The following IPO5 variants were observed in gnomAD, a reference collection of about 807,000 sequenced individuals.
The protein encoded by IPO5 is importin-5.
In IPO5, 18 loss-of-function variants were observed where a neutral mutation model predicts 143.3. That is an observed-to-expected ratio of 0.13 (90% CI 0.09 to 0.19). The LOEUF (loss-of-function observed/expected upper bound fraction) is 0.19. IPO5 is among the 10% of genes least tolerant of loss of function. The probability of loss-of-function intolerance (pLI) is 1.00; values close to 1 mark genes in which losing one functional copy is unlikely to be tolerated. For synonymous variants in IPO5, 477 were observed against 465.7 expected (o/e 1.02, Z -0.31); for missense variants, 1,013 against 1,336.9 (o/e 0.76, Z 3.78).
At chr13:97,978,751 A>G (rs1021187589) in intron 4 of IPO5, among the ~76,000 whole-genome samples, 1 of 152,174 alleles carries the variant, frequency 6.6e-6, no homozygotes, top group Admixed American at 6.5e-5. Flanking sequence ...TCTATTGTCA[A>G]GCCTAGTGGG....
intron 3 of IPO5, among the ~76,000 whole-genome samples, chr13:97,971,216 C>G (rs1006177860): frequency 6.6e-6 from 1 of 152,176 alleles, no homozygotes; most frequent in Non-Finnish European, 1.5e-5. Flanking sequence ...AGAAAACAAT[C>G]AAGTCAAAAT....
In IPO5 at chr13:97,976,874, CGCGGCGGCCGCGCAGGCTGGGCCCGGCGG is replaced by C. The variant is rs931167308; in HGVS notation, c.90+104_90+132del. On this transcript the variant is annotated intron_variant, in intron 4 of 28. Transcript: ENST00000651721. ...CAGCCGCACCGGGCCTCGGCCGGTCCGCGGCGGCCGCGCAGGCTGGGCCCGGCGGGCGGCGGCCGCGCAGCCCACGTGTG... is the reference window on the plus strand; with the variant it reads ...CAGCCGCACCGGGCCTCGGCCGGTCCGCGGCGGCCGCGCAGCCCACGTGTG... The C allele has an allele frequency of 1.6e-4, 51 of 313,666 alleles. 2 individuals carry two copies. The highest frequency in any genetic ancestry group is 1.0e-3 in the Middle Eastern group (2 of 1,956). The allele number at this position is 313,666 out of a possible 1,614,324, so 19.4% of individuals were successfully genotyped here. A position where few individuals can be genotyped will look rare whatever the true frequency, so the allele number is the denominator to read the frequency against.
intron 6 of IPO5, 90 bp downstream of exon 6, chr13:97,985,703 A>C (rs1056204887): frequency 1.2e-6 from 1 of 851,162 alleles, no homozygotes; most frequent in Non-Finnish European, 1.9e-6. Context: ...AGTAAGATTC[A>C]TAAGTACCTG....
At chr13:97,957,195 C>CT (rs537800340) in intron 2 of IPO5, among the ~76,000 whole-genome samples, 102 of 147,090 alleles carry the variant, frequency 6.9e-4, no homozygotes, top group Admixed American at 2.0e-3. Context: ...GATCTAACAT[C>CT]TTTTTTTTTT....
In IPO5 at chr13:98,002,869, T is replaced by C. The variant is rs1474804457; in HGVS notation, c.1329T>C (p.Ile443=). ...GFQKKFHEKV[I]AALLQTMEDQ... is the part of the protein sequence containing the mutation. The stretch of plus-strand genomic sequence containing the variant: ...CATTTGGTTTCATTTCACAGGTGAT[T>C]GCAGCTCTGCTGCAGACCATGGAAG... Residue 443 remains isoleucine, a synonymous_variant, in exon 16 of 29, where the codon ATT becomes ATC. Transcript: ENST00000651721. The C allele has an allele frequency of 4.3e-6, 7 of 1,610,588 alleles. No individual in the cohort carries two copies. The highest frequency in any genetic ancestry group is 5.9e-6 in the Non-Finnish European group (7 of 1,178,682).
At chr13:98,019,485 C>T in intron 26 of IPO5, 96 bp from the exon 27 acceptor site, 1 of 839,248 alleles carries the variant, frequency 1.2e-6, no homozygotes, top group South Asian at 1.7e-5. Context: ...CATTTCTTTA[C>T]CATAATCAAT....
At chr13:98,007,514 T>A (rs1184698503) in intron 17 of IPO5, 3 of 152,276 alleles carry the variant, frequency 2.0e-5, no homozygotes, top group African/African-American at 7.2e-5. Flanking sequence ...CTGTCTTGCC[T>A]TCTTCAAAAC....
intron 27 of IPO5, 68 bp downstream of exon 27, chr13:98,019,877 A>G (rs970543590): frequency 3.4e-5 from 36 of 1,048,208 alleles, no homozygotes; most frequent in Non-Finnish European, 4.9e-5. Flanking sequence ...CTTGCCTAAC[A>G]TCAGTCTTTT....
intron 27 of IPO5, 91 bp downstream of exon 27, chr13:98,019,900 C>G: frequency 1.2e-6 from 1 of 800,118 alleles, no homozygotes; most frequent in Middle Eastern, 2.3e-4. Context: ...GGTTTAACCA[C>G]ATGATCTCTG....
At chr13:97,960,469 C>T (rs977432501) in intron 2 of IPO5, 2 of 152,132 alleles carry the variant, frequency 1.3e-5, no homozygotes, top group Non-Finnish European at 1.5e-5. Flanking sequence ...TATCCTTCAG[C>T]TCTCTAAGGA....
chr13:98,003,125 C>T (rs1295608376), intron 16 of IPO5, 88 bp downstream of exon 16: 1 of 955,898 alleles, frequency 1.0e-6, no homozygotes, highest in African/African-American at 1.7e-5. Context: ...GAGGGACTTG[C>T]AGCATGACCA....
chr13:97,965,497 T>C (rs78404926), intron 2 of IPO5, among the ~76,000 whole-genome samples: 7,056 of 152,300 alleles, frequency 0.046, 242 homozygotes, highest in African/African-American at 0.088. Flanking sequence ...ATAGACTGTG[T>C]TTCCATTTAT....
Position 97,982,664 on chromosome 13 carries a change from G to A in IPO5, c.171+81G>A, listed in dbSNP as rs1372041061. 1.7e-5 allele frequency: 16 copies of A among 923,218 alleles called. No homozygotes were observed. The East Asian group carries it at 3.8e-4, about 22-fold the overall frequency. 57.2% of individuals were successfully genotyped at this position (923,218 alleles called of 1,614,324 possible). A position where few individuals can be genotyped will look rare whatever the true frequency, so the allele number is the denominator to read the frequency against. On this transcript the variant is annotated intron_variant, in intron 5 of 28. Transcript: ENST00000651721. Reference sequence around the variant, plus strand: ...TGATCATAGTAGAAATTAGAGAAATGAGAATTGTGATTAACCACATAGACT... The same window carrying A: ...TGATCATAGTAGAAATTAGAGAAATAAGAATTGTGATTAACCACATAGACT...
intron 9 of IPO5, among the ~76,000 whole-genome samples, chr13:97,991,625 T>C (rs1051683101): frequency 1.6e-4 from 24 of 152,204 alleles, no homozygotes; most frequent in African/African-American, 5.8e-4. Context: ...AATGCGCATT[T>C]CCTTTGAGTG....
At chr13:97,973,043 T>C (rs1424964293) in intron 3 of IPO5, among the ~76,000 whole-genome samples, 7 of 140,474 alleles carry the variant, frequency 5.0e-5, no homozygotes, top group African/African-American at 1.3e-4. Context: ...ATCTTCTTTT[T>C]TTTTTTTTTT....
intron 11 of IPO5, among the ~76,000 whole-genome samples, chr13:97,994,470 A>T (rs993904411): frequency 6.6e-6 from 1 of 152,210 alleles, no homozygotes; most frequent in Non-Finnish European, 1.5e-5. Context: ...TATTCATAAT[A>T]ATCATTTAGA....
chr13:98,007,940 T>C (rs1889403708), intron 17 of IPO5, 119 bp from the exon 18 acceptor site: 3 of 606,942 alleles, frequency 4.9e-6, no homozygotes, highest in East Asian at 2.8e-5. Flanking sequence ...TATGATAGTT[T>C]ATCTATGAAA....
intron 21 of IPO5, 106 bp downstream of exon 21, chr13:98,012,448 G>T: frequency 1.4e-6 from 1 of 738,228 alleles, no homozygotes; most frequent in Non-Finnish European, 2.4e-6. Flanking sequence ...ATGATTGTTT[G>T]TATTTGCACT....
In IPO5 at chr13:97,989,150, C is replaced by T; in HGVS notation, c.453C>T (p.Ala151=). The change falls in exon 7 of 29, where the codon GCC becomes GCT. Residue 151 remains alanine, a synonymous_variant. Transcript: ENST00000651721. ...SSQNVGLREA[A]LHIFWNFPGI... ...AAAATGTGGGACTGCGGGAAGCTGC[C>T]CTTCACATTTTCTGGTATATACATT... 6.2e-7 allele frequency: 1 copy of T among 1,605,964 alleles called. No individual in the cohort carries two copies. The highest frequency in any genetic ancestry group is 2.2e-5 in the East Asian group (1 of 44,806).
Sources: gnomAD v4.1 joint callset for allele counts (sites outside exome capture counted in the v4.1 genomes callset) on GRCh38, gnomAD v4.1.1 for gene constraint, MANE v1.5 for transcripts, NCBI Gene and HGNC (gene_info 2026-07-23, HGNC 2026-07-21) for gene names.